Variants in PDE1C observed in about 807,000 individuals in gnomAD.
PDE1C encodes the protein phosphodiesterase 1C, also known as dual specificity calcium/calmodulin-dependent 3',5'-cyclic nucleotide phosphodiesterase 1C.
Under a neutral mutation model 93.1 loss-of-function variants are expected in PDE1C, and 62 were observed. The observed-to-expected ratio is 0.67, with a 90% CI of 0.54 to 0.82. The LOEUF (loss-of-function observed/expected upper bound fraction) is 0.82, where lower values mean the gene tolerates loss of function less well. PDE1C is among the 40% of genes least tolerant of loss of function. The pLI is 0.00. For missense variants in PDE1C, 742 were observed against 884.6 expected (o/e 0.84, Z 2.04); for synonymous variants, 325 against 310.1 (o/e 1.05, Z -0.50).
At position 31,875,793 on chromosome 7, in the gene PDE1C, CTATATATA is replaced by C. The variant is rs71559206; in HGVS notation, c.492+2169_492+2176del. Among the ~76,000 whole-genome samples the C allele has an allele frequency of 1.0e-2, 430 of 43,092 alleles. 10 individuals are homozygous for C. The highest frequency in any genetic ancestry group is 0.024 in the African/African-American group (332 of 13,964). 28.3% of individuals were successfully genotyped at this position (43,092 alleles called of 152,430 possible). The stretch of plus-strand genomic sequence containing the variant: ...AACACCTCAAGTTAGAAGCTTACAT[CTATATATA>C]TATATATATATATATATATATATAT... On this transcript the variant is annotated intron_variant, in intron 5 of 17. Coordinates refer to ENST00000396191, the MANE Select transcript of PDE1C (RefSeq NM_001191057.4).
At chr7:32,298,463 G>C (rs1044598642) in intron 1 of PDE1C, among the ~76,000 whole-genome samples, 1 of 152,108 alleles carries the variant, frequency 6.6e-6, no homozygotes, top group Non-Finnish European at 1.5e-5. Context: ...GGGTGCCGGG[G>C]GGGACAGCCC....
At chr7:31,769,547 G>C (rs898611178) in intron 17 of PDE1C, among the ~76,000 whole-genome samples, 1 of 152,148 alleles carries the variant, frequency 6.6e-6, no homozygotes, top group African/African-American at 2.4e-5. Context: ...TAAAATTTCT[G>C]AGAGAAGTAG....
chr7:32,263,639 T>C (rs1043745537), intron 1 of PDE1C, among the ~76,000 whole-genome samples: 7 of 152,200 alleles, frequency 4.6e-5, no homozygotes, highest in African/African-American at 1.7e-4. Flanking sequence ...ATCCAGTCTA[T>C]GGTCAGGAAT....
rs59080626 is a variant in PDE1C, at chr7:32,035,716, T to C, written c.128+15838A>G. Among the ~76,000 whole-genome samples, 1,354 of 152,280 alleles carry C rather than the reference T, an allele frequency of 8.9e-3. 21 individuals carry two copies. Among genetic ancestry groups the C allele is most frequent in the African/African-American group, 0.029 (1,213 of 41,578 alleles). On this transcript the variant is annotated intron_variant, in intron 2 of 17. Coordinates refer to ENST00000396191, the MANE Select transcript of PDE1C (RefSeq NM_001191057.4). ...GAGTTGCCAAAAGCCAGAAAATCTA[T>C]GCATCTGAGAGTTTTCATCTCAAGA...
the PDE1C span, chr7:31,687,157 C>T: frequency 1.3e-5 from 2 of 152,322 alleles, no homozygotes; most frequent in South Asian, 4.1e-4. Context: ...ACAGAGCATC[C>T]CCATGGCAAC....
At chr7:31,867,886 C>T (rs1178935192) in intron 6 of PDE1C, among the ~76,000 whole-genome samples, 1 of 152,208 alleles carries the variant, frequency 6.6e-6, no homozygotes, top group Non-Finnish European at 1.5e-5. Context: ...ACCACAGCCT[C>T]CACTAACAAT....
the PDE1C span, among the ~76,000 whole-genome samples, chr7:31,725,587 A>G: frequency 6.6e-6 from 1 of 152,176 alleles, no homozygotes; most frequent in Non-Finnish European, 1.5e-5. Context: ...ATCAGGAGTG[A>G]GGGAACACTC....
At chr7:31,899,714 C>T (rs1229948051) in intron 2 of PDE1C, among the ~76,000 whole-genome samples, 1 of 152,056 alleles carries the variant, frequency 6.6e-6, no homozygotes, top group Non-Finnish European at 1.5e-5. Flanking sequence ...TGTGTAAACC[C>T]TTAGTATGAG....
At chr7:31,756,179 AATAAATAT>A (rs1239951090) in intron 17 of PDE1C, among the ~76,000 whole-genome samples, 3 of 152,148 alleles carry the variant, frequency 2.0e-5, no homozygotes, top group Admixed American at 2.0e-4. Flanking sequence ...CTCATAAATA[AATAAATAT>A]ATGAGACAAA....
chr7:31,957,591 A>G (rs1165277782), intron 2 of PDE1C, among the ~76,000 whole-genome samples: 1 of 152,234 alleles, frequency 6.6e-6, no homozygotes, highest in Non-Finnish European at 1.5e-5. Flanking sequence ...ATATAACAAG[A>G]TAATTCTTTC....
At chr7:32,277,028 A>T (rs1285249833) in intron 1 of PDE1C, among the ~76,000 whole-genome samples, 1 of 152,122 alleles carries the variant, frequency 6.6e-6, no homozygotes. Context: ...TAAAGCAGGC[A>T]GATCGCTTGA....
intron 1 of PDE1C, among the ~76,000 whole-genome samples, chr7:32,062,932 G>T (rs1174587673): frequency 6.6e-6 from 1 of 152,168 alleles, no homozygotes; most frequent in Non-Finnish European, 1.5e-5. Context: ...TGGATGGAAT[G>T]ATTCTCTTTA....
upstream of PDE1C, among the ~76,000 whole-genome samples, chr7:32,074,543 C>T (rs1020021647): frequency 1.3e-5 from 2 of 152,188 alleles, no homozygotes; most frequent in Non-Finnish European, 2.9e-5. Flanking sequence ...AAAGGCAAAG[C>T]TCATGTTCTC....
chr7:32,025,576 G>A (rs1423268814), intron 2 of PDE1C, among the ~76,000 whole-genome samples: 2 of 152,094 alleles, frequency 1.3e-5, no homozygotes, highest in Non-Finnish European at 2.9e-5. Context: ...GGCAGTGCCA[G>A]AAAAAGTGAG....
intron 6 of PDE1C, among the ~76,000 whole-genome samples, chr7:31,872,673 T>C (rs940887443): frequency 2.3e-4 from 35 of 152,024 alleles, no homozygotes; most frequent in African/African-American, 7.7e-4. Context: ...CTTGATACCA[T>C]AGATGTTGGC....
chr7:31,920,411 C>A (rs974469750), intron 2 of PDE1C, among the ~76,000 whole-genome samples: 2 of 152,300 alleles, frequency 1.3e-5, no homozygotes, highest in Admixed American at 1.3e-4. Context: ...CTGCTCCCTG[C>A]AACCTCCAAT....
intron 1 of PDE1C, among the ~76,000 whole-genome samples, chr7:32,392,658 T>C (rs1001489837): frequency 6.6e-6 from 1 of 152,144 alleles, no homozygotes. Flanking sequence ...ATTAATGTAG[T>C]ATGCTATATT....
intron 11 of PDE1C, among the ~76,000 whole-genome samples, chr7:31,831,828 GGGA>G: frequency 6.6e-6 from 1 of 152,076 alleles, no homozygotes; most frequent in Admixed American, 6.6e-5. Context: ...AAAGAGCAAA[GGGA>G]GGAGAAGGAA....
intron 3 of PDE1C, among the ~76,000 whole-genome samples, chr7:32,137,645 C>A (rs996983816): frequency 6.6e-6 from 1 of 152,174 alleles, no homozygotes; most frequent in African/African-American, 2.4e-5. Flanking sequence ...AGCCAATAAT[C>A]ATTTTCTACT....
Sources: gnomAD v4.1 joint callset for allele counts (sites outside exome capture counted in the v4.1 genomes callset) on GRCh38, gnomAD v4.1.1 for gene constraint, MANE v1.5 for transcripts, NCBI Gene and HGNC (gene_info 2026-07-23, HGNC 2026-07-21) for gene names.